Variants in KIF2C observed in about 807,000 individuals in gnomAD.
KIF2C encodes kinesin family member 2C.
In KIF2C, 34 loss-of-function variants were observed where a neutral mutation model predicts 97.4. That is an observed-to-expected ratio of 0.35 (90% CI 0.27 to 0.46). The LOEUF is 0.46. KIF2C is among the 20% of genes least tolerant of loss of function. The pLI is 1.00. For missense variants in KIF2C, 750 were observed against 907.6 expected (o/e 0.83, Z 2.23); for synonymous variants, 313 against 318.2 (o/e 0.98, Z 0.17).
chr1:44,740,566 A>C (rs1324546293), intron 1 of KIF2C, among the ~76,000 whole-genome samples: 1 of 152,190 alleles, frequency 6.6e-6, no homozygotes, highest in East Asian at 1.9e-4. Flanking sequence ...TGCTATGTTG[A>C]GGAAAAGTTC....
chr1:44,745,462 G>GTTTTTT (rs1557589253), intron 2 of KIF2C, among the ~76,000 whole-genome samples: 4 of 42,746 alleles, frequency 9.4e-5, no homozygotes, highest in Non-Finnish European at 1.8e-4. Flanking sequence ...GGTTGTATAT[G>GTTTTTT]TCTTTTTTTT....
chr1:44,745,407 A>G (rs1277969763), intron 2 of KIF2C, among the ~76,000 whole-genome samples: 3 of 139,080 alleles, frequency 2.2e-5, no homozygotes, highest in Admixed American at 7.4e-5. Context: ...TCCTTTGTAC[A>G]TATGACTTAT....
intron 11 of KIF2C, 73 bp from the exon 12 acceptor site, chr1:44,757,835 G>A: frequency 6.8e-7 from 1 of 1,474,216 alleles, no homozygotes; most frequent in Non-Finnish European, 9.5e-7. Context: ...GCCCACTGTA[G>A]TGAAGGAGCC....
Position 44,760,142 on chromosome 1 carries a change from C to G in KIF2C, c.1368-138C>G. 1 of 702,452 alleles carries G rather than the reference C, an allele frequency of 1.4e-6. No homozygotes were observed. Among genetic ancestry groups the G allele is most frequent in the Admixed American group, 2.5e-5 (1 of 39,322 alleles). The allele number at this position is 702,452 out of a possible 1,614,324, so 43.5% of individuals were successfully genotyped here. On this transcript the variant is annotated intron_variant, in intron 14 of 20. Transcript: ENST00000372224. This position sits in a 1 kb window ranked among gnomAD's most constrained non-coding sequence, Gnocchi z 4.2. ...AGGGAGAATTGCTACCCAGGGAGGG[C>G]AAGATGGAAGCCTGGGACAGGAAAA...
intron 6 of KIF2C, 97 bp from the exon 7 acceptor site, chr1:44,753,636 C>A: frequency 1.3e-6 from 1 of 773,630 alleles, no homozygotes; most frequent in Non-Finnish European, 2.1e-6. Flanking sequence ...CTGGGAAAGG[C>A]CCAGTACTCA....
chr1:44,762,467 C>G lies in KIF2C; in HGVS notation c.1857+16C>G, dbSNP rs761221080. 13 of 1,611,934 alleles carry G rather than the reference C, an allele frequency of 8.1e-6. No homozygotes were observed. The highest frequency in any genetic ancestry group is 1.1e-5 in the Non-Finnish European group (13 of 1,178,128). ...TCCAGGCAATGTAAGGACCAGGATG[C>G]GGCCAAGCAAGACAGAAGTGTGGCC... On this transcript the variant is annotated intron_variant, in intron 18 of 20. Transcript: ENST00000372224.
chr1:44,741,062 CTG>C lies in KIF2C; in HGVS notation c.165+58_165+59del, dbSNP rs978843828. ...TTTAATGTCTTCCTACATAAAGGAT[CTG>C]TGCAGAAGTGGAATCTGTGAGAGCC... On this transcript the variant is annotated intron_variant, in intron 2 of 20. Transcript: ENST00000372224. The C allele has an allele frequency of 2.9e-6, 4 of 1,381,188 alleles. No individual in the cohort carries two copies. In the Admixed American group the frequency reaches 6.9e-5, roughly 24 times the overall value. The allele number at this position is 1,381,188 out of a possible 1,614,324, so 85.6% of individuals were successfully genotyped here. A position where few individuals can be genotyped will look rare whatever the true frequency, so the allele number is the denominator to read the frequency against.
intron 2 of KIF2C, 127 bp from the exon 3 acceptor site, chr1:44,747,257 A>G (rs1408704757): frequency 2.7e-6 from 2 of 740,108 alleles, no homozygotes; most frequent in Admixed American, 2.9e-5. Flanking sequence ...GCATTGAACC[A>G]AGATCGCACC....
intron 2 of KIF2C, among the ~76,000 whole-genome samples, chr1:44,742,955 G>T (rs1649010126): frequency 6.6e-6 from 1 of 152,196 alleles, no homozygotes; most frequent in Non-Finnish European, 1.5e-5. Flanking sequence ...GTGGAAACTT[G>T]CTGAGAATGG....
At chr1:44,742,317 G>C (rs1648975639) in intron 2 of KIF2C, among the ~76,000 whole-genome samples, 1 of 151,870 alleles carries the variant, frequency 6.6e-6, no homozygotes, top group Non-Finnish European at 1.5e-5. Flanking sequence ...CACTGTGTTA[G>C]CCGGGATGGT....
intron 5 of KIF2C, 51 bp downstream of exon 5, chr1:44,750,615 T>A: frequency 7.1e-7 from 1 of 1,417,370 alleles, no homozygotes; most frequent in Non-Finnish European, 9.3e-7. Context: ...CTGGAGCACA[T>A]TGCTTGGTCC....
intron 2 of KIF2C, among the ~76,000 whole-genome samples, chr1:44,744,077 G>GT (rs1298269491): frequency 7.8e-5 from 10 of 127,846 alleles, no homozygotes; most frequent in African/African-American, 2.8e-4. Context: ...TTCAAGCTCT[G>GT]GTTTTTTTTT....
chr1:44,749,358 C>T (rs940383986), intron 4 of KIF2C, among the ~76,000 whole-genome samples: 3 of 151,812 alleles, frequency 2.0e-5, no homozygotes, highest in Non-Finnish European at 2.9e-5. Context: ...CGTTTGAGCC[C>T]GGGGGGGCAG....
chr1:44,753,204 A>G lies in KIF2C; in HGVS notation c.512A>G (p.Glu171Gly). The G allele has an allele frequency of 1.9e-6, 3 of 1,614,074 alleles. No homozygotes were observed. The highest frequency in any genetic ancestry group is 2.5e-6 in the Non-Finnish European group (3 of 1,179,938). ...PLRMVSEEME[E>G]QVHSIRGSSS... ...AGGATGGTCAGCGAGGAGATGGAAG[A>G]GCAAGTCCATTCCATCCGAGGCAGC... is the stretch of plus-strand genomic sequence containing the variant. The change falls in exon 6 of 21, where the codon GAG becomes GGG. Residue 171 changes from glutamate to glycine, a missense_variant. Transcript: ENST00000372224.
At chr1:44,765,891 A>C (rs1227849486) in intron 19 of KIF2C, among the ~76,000 whole-genome samples, 1 of 152,114 alleles carries the variant, frequency 6.6e-6, no homozygotes, top group African/African-American at 2.4e-5. Context: ...GTCTCTACTA[A>C]AAATACAAAA....
At position 44,754,646 on chromosome 1, in the gene KIF2C, A is replaced by T. The variant is rs1202082145; in HGVS notation, c.664-104A>T. ...CAGAGCCAGGGCAGGGACTTTGACA[A>T]CTATGAAGGGTGGTGAGCAAAGAGC... On this transcript the variant is annotated intron_variant, in intron 7 of 20. Coordinates refer to ENST00000372224, the MANE Select transcript of KIF2C (RefSeq NM_006845.4). 6 of 783,636 alleles carry T rather than the reference A, an allele frequency of 7.7e-6. No individual in the cohort carries two copies. In the Admixed American group the frequency reaches 9.3e-5, roughly 12 times the overall value. 48.5% of individuals were successfully genotyped at this position (783,636 alleles called of 1,614,324 possible). A position where few individuals can be genotyped will look rare whatever the true frequency, so the allele number is the denominator to read the frequency against.
chr1:44,759,443 G>A (rs1324986581), intron 14 of KIF2C, 95 bp downstream of exon 14: 13 of 1,500,556 alleles, frequency 8.7e-6, no homozygotes, highest in African/African-American at 1.4e-5. Flanking sequence ...CCAGAGTGCT[G>A]CTTTGCCCAG....
At chr1:44,761,500 C>T (rs900804515) in intron 16 of KIF2C, among the ~76,000 whole-genome samples, 2 of 151,380 alleles carry the variant, frequency 1.3e-5, no homozygotes, top group African/African-American at 2.4e-5. Flanking sequence ...CCCAGCTACT[C>T]GGGAGGCTAA....
chr1:44,744,351 G>A (rs1249251646), intron 2 of KIF2C, among the ~76,000 whole-genome samples: 3 of 152,064 alleles, frequency 2.0e-5, no homozygotes, highest in Non-Finnish European at 1.5e-5. Flanking sequence ...CAAGTGATCT[G>A]GCCATCTTGG....
Sources: allele counts gnomAD v4.1 joint callset (sites outside exome capture counted in the v4.1 genomes callset), GRCh38; gene constraint gnomAD v4.1.1; non-coding constraint Gnocchi (gnomAD v3.1); transcripts MANE v1.5; gene names NCBI Gene and HGNC (gene_info 2026-07-23, HGNC 2026-07-21).